Variants in KLF7 observed in about 807,000 individuals in gnomAD.
The protein encoded by KLF7 is KLF transcription factor 7.
A neutral mutation model predicts 27.3 loss-of-function variants in KLF7; 2 were observed. That is an observed-to-expected ratio of 0.07 (90% CI 0.03 to 0.23). The LOEUF (loss-of-function observed/expected upper bound fraction) is 0.23. Among genes scored for constraint, KLF7 ranks in the 10% least tolerant of loss-of-function variants. The pLI, the probability that KLF7 is intolerant of heterozygous loss-of-function variation, is 1.00. For synonymous variants in KLF7, 165 were observed against 162.4 expected (o/e 1.02, Z -0.12); for missense variants, 221 against 394.1 (o/e 0.56, Z 3.72).
At chr2:207,125,000 C>T (rs1373917708) in intron 1 of KLF7, among the ~76,000 whole-genome samples, 1 of 152,186 alleles carries the variant, frequency 6.6e-6, no homozygotes, top group East Asian at 1.9e-4. Flanking sequence ...TAAAGAATGT[C>T]TACCATAAAA....
intron 2 of KLF7, among the ~76,000 whole-genome samples, chr2:207,105,193 G>C (rs1393899065): frequency 6.6e-6 from 1 of 152,170 alleles, no homozygotes; most frequent in Non-Finnish European, 1.5e-5. Context: ...GCAAAGCAAG[G>C]ATTTCATTCT....
intron 1 of KLF7, among the ~76,000 whole-genome samples, chr2:207,160,425 C>T (rs191934171): frequency 1.3e-5 from 2 of 152,220 alleles, no homozygotes; most frequent in Admixed American, 6.5e-5. Context: ...AATCACAGAG[C>T]GATTTTCTGC....
intron 1 of KLF7, among the ~76,000 whole-genome samples, chr2:207,132,156 T>C (rs2077653455): frequency 6.6e-6 from 1 of 152,156 alleles, no homozygotes; most frequent in East Asian, 1.9e-4. Context: ...AAAATCTTAC[T>C]GCATTTTTTT....
intron 1 of KLF7, among the ~76,000 whole-genome samples, chr2:207,151,231 C>T (rs946986492): frequency 6.6e-6 from 1 of 152,144 alleles, no homozygotes; most frequent in African/African-American, 2.4e-5. Flanking sequence ...TCAGCCCACC[C>T]TTCGAGAAGC....
At chr2:207,143,389 T>G (rs1188832064) in intron 1 of KLF7, among the ~76,000 whole-genome samples, 1 of 113,820 alleles carries the variant, frequency 8.8e-6, no homozygotes, top group Non-Finnish European at 1.8e-5. Flanking sequence ...ACAAAAGAAA[T>G]GACATGAAAA....
At chr2:207,130,785 T>C (rs951511097) in intron 1 of KLF7, among the ~76,000 whole-genome samples, 5 of 152,224 alleles carry the variant, frequency 3.3e-5, no homozygotes, top group Non-Finnish European at 7.4e-5. Flanking sequence ...TACTACCCAA[T>C]AACTATGCCA....
At chr2:207,131,299 C>CT (rs2106017064) in intron 1 of KLF7, among the ~76,000 whole-genome samples, 1 of 152,332 alleles carries the variant, frequency 6.6e-6, no homozygotes, top group South Asian at 2.1e-4. Context: ...GGAGCCCTTT[C>CT]TGACATTTAT....
At chr2:207,125,127 T>G (rs2077445894) in intron 1 of KLF7, among the ~76,000 whole-genome samples, 1 of 152,250 alleles carries the variant, frequency 6.6e-6, no homozygotes, top group Admixed American at 6.5e-5. Flanking sequence ...CATCTCTGAC[T>G]ACATGATAAA....
rs1158318685 is a variant in KLF7, at chr2:207,077,168, T to TCAAAAC, written c.*4044_*4045insGTTTTG. On this transcript the variant is annotated 3_prime_UTR_variant, in exon 4 of 4. Coordinates refer to ENST00000309446, the MANE Select transcript of KLF7 (RefSeq NM_003709.4). ...ATTTTGAACCATCAAAACGAGTCAC[T>TCAAAAC]GGGTTTTGTTCTTGCAACTTGAGTT... The TCAAAAC allele has an allele frequency of 6.6e-6, 1 of 152,220 alleles. No individual in the cohort carries two copies. Among genetic ancestry groups the TCAAAAC allele is most frequent in the African/African-American group, 2.4e-5 (1 of 41,464 alleles). 9.4% of individuals were successfully genotyped at this position (152,220 alleles called of 1,614,324 possible). A position where few individuals can be genotyped will look rare whatever the true frequency, so the allele number is the denominator to read the frequency against.
chr2:207,149,015 A>G (rs528522925), intron 1 of KLF7: 5 of 1,165,348 alleles, frequency 4.3e-6, no homozygotes, highest in Non-Finnish European at 5.4e-6. Flanking sequence ...TTTGTTCAAG[A>G]CAACAAAAAC....
At chr2:207,139,815 C>T (rs967945019) in intron 1 of KLF7, among the ~76,000 whole-genome samples, 2 of 152,192 alleles carry the variant, frequency 1.3e-5, no homozygotes, top group Non-Finnish European at 2.9e-5. Context: ...TCAGACATTT[C>T]AACCTGTCAA....
At chr2:207,126,861 G>T (rs2077491777) in intron 1 of KLF7, among the ~76,000 whole-genome samples, 1 of 151,764 alleles carries the variant, frequency 6.6e-6, no homozygotes, top group Admixed American at 6.6e-5. Context: ...TGTCCTTGAG[G>T]TAGTTCTCTG....
chr2:207,146,872 GC>G (rs1243403832), intron 1 of KLF7, among the ~76,000 whole-genome samples: 1 of 152,158 alleles, frequency 6.6e-6, no homozygotes, highest in African/African-American at 2.4e-5. Context: ...CCCCACTGAT[GC>G]CCAGATAGGA....
chr2:207,168,620 C>A (rs1165616632), upstream of KLF7, among the ~76,000 whole-genome samples: 1 of 152,142 alleles, frequency 6.6e-6, no homozygotes, highest in East Asian at 1.9e-4. Context: ...TGAGACTTTT[C>A]CTATGTAACT....
intron 3 of KLF7, among the ~76,000 whole-genome samples, chr2:207,084,979 A>G (rs1376090560): frequency 6.6e-6 from 1 of 151,884 alleles, no homozygotes; most frequent in Admixed American, 6.6e-5. Context: ...CCTGACCAAC[A>G]TGGCAAAACT....
chr2:207,117,209 G>A (rs1435562877), intron 2 of KLF7, among the ~76,000 whole-genome samples: 1 of 152,180 alleles, frequency 6.6e-6, no homozygotes, highest in Non-Finnish European at 1.5e-5. Flanking sequence ...TATATGCTGA[G>A]TTTAGGCCAT....
rs1186968078 is a variant in KLF7 at position 207,078,947 on chromosome 2, T to A, written c.*2266A>T. 1 of 152,270 alleles carries A rather than the reference T, an allele frequency of 6.6e-6. No individual in the cohort carries two copies. Among genetic ancestry groups the A allele is most frequent in the Non-Finnish European group, 1.5e-5 (1 of 68,052 alleles). 9.4% of individuals were successfully genotyped at this position (152,270 alleles called of 1,614,324 possible). On this transcript the variant is annotated 3_prime_UTR_variant, in exon 4 of 4. Transcript: ENST00000309446. ...TAAATCTTTGGAATAAAACTGATTT[T>A]TAATACCCTCCAACTAACATACATA...
intron 1 of KLF7, among the ~76,000 whole-genome samples, chr2:207,126,299 G>A (rs1237233789): frequency 6.6e-6 from 1 of 152,032 alleles, no homozygotes; most frequent in Admixed American, 6.6e-5. Context: ...TTCTACTCCT[G>A]AAACCTCCCT....
At chr2:207,172,249 C>A (rs891266164), upstream of KLF7, among the ~76,000 whole-genome samples, 2 of 152,168 alleles carry the variant, frequency 1.3e-5, no homozygotes, top group African/African-American at 4.8e-5. Context: ...GACAGGTGTT[C>A]TGCCCCTCCC....
Sources: allele counts gnomAD v4.1 joint callset (sites outside exome capture counted in the v4.1 genomes callset), GRCh38; gene constraint gnomAD v4.1.1; transcripts MANE v1.5; gene names NCBI Gene and HGNC (gene_info 2026-07-23, HGNC 2026-07-21).